The following IRS1 variants were observed in gnomAD, a reference collection of about 807,000 sequenced individuals.
IRS1 encodes the protein insulin receptor substrate 1.
In IRS1, 34 loss-of-function variants were observed where a neutral mutation model predicts 65.6. That is an observed-to-expected ratio of 0.52 (90% confidence interval 0.39 to 0.69). The LOEUF (loss-of-function observed/expected upper bound fraction) is 0.69, where lower values mean the gene tolerates loss of function less well. Ranked by LOEUF, IRS1 falls within the 30% of genes least tolerant of loss-of-function variation. The pLI is 0.00. For missense variants in IRS1, 1,641 were observed against 1,720.2 expected, an observed-to-expected ratio of 0.95 and a Z score of 0.81; for synonymous variants, 699 against 683.5, an observed-to-expected ratio of 1.02 and a Z score of -0.35.
intron 1 of IRS1, among the ~76,000 whole-genome samples, chr2:226,779,799 T>C (rs1249799971): frequency 6.6e-6 from 1 of 152,202 alleles, no homozygotes; most frequent in African/African-American, 2.4e-5. Flanking sequence ...TCCATTACTT[T>C]GGTCATTACA....
intron 1 of IRS1, among the ~76,000 whole-genome samples, chr2:226,793,145 T>C (rs1416915123): frequency 1.3e-5 from 2 of 152,210 alleles, no homozygotes; most frequent in Non-Finnish European, 2.9e-5. Context: ...TTTTTAAAAA[T>C]GAAAATTCTA....
chr2:226,784,039 C>T (rs1559155874), intron 1 of IRS1, among the ~76,000 whole-genome samples: 2 of 151,884 alleles, frequency 1.3e-5, no homozygotes, highest in Non-Finnish European at 2.9e-5. Flanking sequence ...CCAGTCAATC[C>T]TCCAACTGAC....
chr2:226,781,376 A>G lies in IRS1; in HGVS notation c.*21+13613T>C, dbSNP rs187440641. Among the ~76,000 whole-genome samples, 65 of 152,326 alleles carry G rather than the reference A, an allele frequency of 4.3e-4. 1 individual carries two copies. Among genetic ancestry groups the G allele is most frequent in the Non-Finnish European group, 5.9e-5 (4 of 68,034 alleles). On this transcript the variant is annotated intron_variant, in intron 1 of 1. Coordinates refer to ENST00000305123, the MANE Select transcript of IRS1 (RefSeq NM_005544.3). ...GAAAAGAAAAATGCTGAAGTTTCCTAAAGTGGTGAGTAACAGTAAATCCTG... is the reference window on the plus strand; with the variant it reads ...GAAAAGAAAAATGCTGAAGTTTCCTGAAGTGGTGAGTAACAGTAAATCCTG...
chr2:226,750,919 C>T (rs549273422), intron 1 of IRS1, among the ~76,000 whole-genome samples: 4 of 152,260 alleles, frequency 2.6e-5, no homozygotes, highest in Admixed American at 2.0e-4. Context: ...GACCCCAGTG[C>T]TGTGGGTCTA....
chr2:226,787,487 C>T (rs1219449006), intron 1 of IRS1, among the ~76,000 whole-genome samples: 7 of 152,146 alleles, frequency 4.6e-5, no homozygotes, highest in Admixed American at 1.3e-4. Flanking sequence ...GTGATCTCCT[C>T]TCAGTACCAT....
intron 1 of IRS1, among the ~76,000 whole-genome samples, chr2:226,756,800 A>G (rs1938812569): frequency 6.6e-6 from 1 of 152,074 alleles, no homozygotes; most frequent in Non-Finnish European, 1.5e-5. Context: ...CGTCTCTACT[A>G]AAAATACAAA....
intron 1 of IRS1, among the ~76,000 whole-genome samples, chr2:226,742,209 G>A (rs1276353869): frequency 6.6e-6 from 1 of 152,186 alleles, no homozygotes; most frequent in Admixed American, 6.5e-5. Flanking sequence ...CTGAAGCTTG[G>A]AAAAGGAGAA....
chr2:226,737,065 T>C (rs1007694252), intron 1 of IRS1, among the ~76,000 whole-genome samples: 1 of 150,972 alleles, frequency 6.6e-6, no homozygotes, highest in Non-Finnish European at 1.5e-5. Flanking sequence ...TAGCATTAGG[T>C]ATATCTCCCA....
rs1939844579 is a variant in IRS1, at chr2:226,799,445, G to C, written c.-707C>G. The C allele has an allele frequency of 8.4e-7, 1 of 1,196,576 alleles. No individual in the cohort carries two copies. Among genetic ancestry groups the C allele is most frequent in the Non-Finnish European group, 1.1e-6 (1 of 940,530 alleles). The allele number at this position is 1,196,576 out of a possible 1,614,324, so 74.1% of individuals were successfully genotyped here. On this transcript the variant is annotated 5_prime_UTR_variant, in exon 1 of 2. Transcript: ENST00000305123. This position sits in a 1 kb window ranked among gnomAD's most constrained non-coding sequence, Gnocchi z 6.1. Reference sequence around the variant, plus strand: ...CCCCCATCCGGGCCCATCTCGGCGGGTGGAGAAAGTGGCTTTTCCATGCGA... The same window carrying C: ...CCCCCATCCGGGCCCATCTCGGCGGCTGGAGAAAGTGGCTTTTCCATGCGA...
chr2:226,787,644 A>C (rs1485796825), intron 1 of IRS1, among the ~76,000 whole-genome samples: 1 of 152,200 alleles, frequency 6.6e-6, no homozygotes, highest in African/African-American at 2.4e-5. Flanking sequence ...CTATTTGACA[A>C]AAGCAGATAA....
intron 1 of IRS1, among the ~76,000 whole-genome samples, chr2:226,766,323 T>A (rs1939048113): frequency 6.7e-6 from 1 of 149,950 alleles, no homozygotes; most frequent in Admixed American, 6.6e-5. Flanking sequence ...GCCACCAACC[T>A]CAGCTAATTT....
intron 1 of IRS1, among the ~76,000 whole-genome samples, chr2:226,739,939 C>T (rs1274883343): frequency 1.3e-5 from 2 of 152,174 alleles, no homozygotes; most frequent in South Asian, 2.1e-4. Context: ...GGGAAAAGCC[C>T]GCATAGGCGT....
At chr2:226,764,508 A>T (rs1218867995) in intron 1 of IRS1, among the ~76,000 whole-genome samples, 1 of 152,178 alleles carries the variant, frequency 6.6e-6, no homozygotes, top group Non-Finnish European at 1.5e-5. Flanking sequence ...ACTTTACCAC[A>T]TTCCAGCCTG....
At chr2:226,787,371 C>T (rs1360754561) in intron 1 of IRS1, among the ~76,000 whole-genome samples, 1 of 152,022 alleles carries the variant, frequency 6.6e-6, no homozygotes, top group Non-Finnish European at 1.5e-5. Flanking sequence ...GGCACTTTTG[C>T]CCTTTAGGTT....
intron 1 of IRS1, among the ~76,000 whole-genome samples, chr2:226,743,455 C>T (rs1357428226): frequency 6.6e-6 from 1 of 152,164 alleles, no homozygotes; most frequent in Non-Finnish European, 1.5e-5. Context: ...GTCTCGAACT[C>T]CCAACCTCAG....
chr2:226,759,708 C>CT (rs1326547586), intron 1 of IRS1, among the ~76,000 whole-genome samples: 1 of 152,060 alleles, frequency 6.6e-6, no homozygotes, highest in Non-Finnish European at 1.5e-5. Flanking sequence ...AATAAACACC[C>CT]TTTTTTGATA....
intron 1 of IRS1, among the ~76,000 whole-genome samples, chr2:226,745,989 C>T (rs1043423424): frequency 1.3e-5 from 2 of 152,014 alleles, no homozygotes; most frequent in African/African-American, 2.4e-5. Context: ...TGTAATACAA[C>T]GTTATACAAG....
intron 1 of IRS1, among the ~76,000 whole-genome samples, chr2:226,763,643 A>G (rs1453960690): frequency 2.6e-5 from 4 of 152,216 alleles, no homozygotes; most frequent in South Asian, 2.1e-4. Context: ...CCCATTGCCA[A>G]TGGCCCAGGT....
intron 1 of IRS1, among the ~76,000 whole-genome samples, chr2:226,793,822 C>T (rs1002178880): frequency 6.6e-6 from 1 of 152,210 alleles, no homozygotes; most frequent in African/African-American, 2.4e-5. Context: ...AAACTGTACT[C>T]TCTTCTACCC....
Sources: gnomAD v4.1 joint callset for allele counts (sites outside exome capture counted in the v4.1 genomes callset) on GRCh38, gnomAD v4.1.1 for gene constraint, Gnocchi (gnomAD v3.1) non-coding constraint, MANE v1.5 for transcripts, NCBI Gene and HGNC (gene_info 2026-07-23, HGNC 2026-07-21) for gene names.